NAV3: variants seen among roughly 807,000 people sequenced by gnomAD.
NAV3 encodes pore membrane and/or filament interacting like protein 1.
NAV3 carries 87 observed loss-of-function variants against 244.7 expected under a neutral mutation model. The ratio of observed to expected loss-of-function variants is 0.36; its 90% CI spans 0.30 to 0.42. NAV3 has a LOEUF of 0.42. Among genes scored for constraint, NAV3 ranks in the 20% least tolerant of loss-of-function variants. The probability of loss-of-function intolerance (pLI) is 1.00; values close to 1 mark genes in which losing one functional copy is unlikely to be tolerated. For missense variants in NAV3, 2,663 were observed against 2,893.3 expected (o/e 0.92, Z 1.83); for synonymous variants, 1,126 against 1,042.2 (o/e 1.08, Z -1.55).
At chr12:77,840,745 G>A (rs1402312) in intron 1 of NAV3, among the ~76,000 whole-genome samples, 8,677 of 152,210 alleles carry the variant, frequency 0.057, 484 homozygotes, top group African/African-American at 0.15. Context: ...TCAAACAGCC[G>A]TAGCAACTGA....
intron 7 of NAV3, among the ~76,000 whole-genome samples, 155 bp downstream of exon 7, chr12:77,998,631 G>A (rs1283409386): frequency 6.6e-6 from 1 of 152,100 alleles, no homozygotes; most frequent in Non-Finnish European, 1.5e-5. Flanking sequence ...CTGACTGCCA[G>A]CTTTCTTATC....
At chr12:77,933,736 G>T (rs1889053409) in intron 1 of NAV3, among the ~76,000 whole-genome samples, 1 of 152,158 alleles carries the variant, frequency 6.6e-6, no homozygotes. Flanking sequence ...TTTCTAGAAG[G>T]CCTACAAGAG....
chr12:78,177,822 T>C (rs1422216048), intron 28 of NAV3, 137 bp downstream of exon 28: 3 of 810,868 alleles, frequency 3.7e-6, no homozygotes, highest in Non-Finnish European at 5.6e-6. Flanking sequence ...TCAACTAAAA[T>C]TTGGTTTCCT....
chr12:78,146,241 G>A (rs1956858647), intron 20 of NAV3, 128 bp from the exon 21 acceptor site: 1 of 315,702 alleles, frequency 3.2e-6, no homozygotes, highest in East Asian at 5.2e-5. Context: ...ATAACTTAAT[G>A]TATTTCATTC....
intron 12 of NAV3, among the ~76,000 whole-genome samples, chr12:78,097,562 G>A (rs1015218689): frequency 6.6e-6 from 1 of 152,124 alleles, no homozygotes; most frequent in African/African-American, 2.4e-5. Context: ...TGTTCTGAAT[G>A]TTTTAAAATG....
chr12:77,730,545 G>T (rs754172042), intron 2 of NAV3, among the ~76,000 whole-genome samples: 1 of 151,800 alleles, frequency 6.6e-6, no homozygotes, highest in East Asian at 1.9e-4. Flanking sequence ...TCCAATAAAT[G>T]TTTATTGAGC....
At chr12:78,046,421 G>A (rs1881804406) in intron 9 of NAV3, among the ~76,000 whole-genome samples, 1 of 152,182 alleles carries the variant, frequency 6.6e-6, no homozygotes. Context: ...AGACATTCTG[G>A]TATGTAGTTT....
chr12:77,891,111 C>T (rs1883883208), intron 1 of NAV3, among the ~76,000 whole-genome samples: 1 of 151,478 alleles, frequency 6.6e-6, no homozygotes, highest in Admixed American at 6.6e-5. Context: ...GTATTCCTGT[C>T]TTAAATGTTG....
At chr12:78,187,713 T>C (rs1043005510) in intron 31 of NAV3, among the ~76,000 whole-genome samples, 2 of 151,924 alleles carry the variant, frequency 1.3e-5, no homozygotes, top group African/African-American at 4.8e-5. Context: ...GCAAATACCT[T>C]ATATTATCAT....
intron 23 of NAV3, among the ~76,000 whole-genome samples, chr12:78,163,105 G>C (rs896358345): frequency 2.2e-4 from 34 of 151,234 alleles, no homozygotes; most frequent in African/African-American, 8.3e-4. Context: ...ACATGTTCTT[G>C]ATTACATACT....
intron 2 of NAV3, among the ~76,000 whole-genome samples, chr12:77,636,459 C>T (rs544271990): frequency 6.0e-5 from 8 of 132,650 alleles, no homozygotes; most frequent in Admixed American, 3.8e-4. Flanking sequence ...TGCCAGACAC[C>T]GTCTCAAAAA....
chr12:77,594,984 A>C (rs551141430), intron 2 of NAV3, among the ~76,000 whole-genome samples: 2 of 152,134 alleles, frequency 1.3e-5, no homozygotes, highest in African/African-American at 2.4e-5. Flanking sequence ...GCCATTATGG[A>C]AAAAAAGTAT....
chr12:77,984,204 G>A (rs60499350), intron 5 of NAV3, among the ~76,000 whole-genome samples: 5,661 of 152,208 alleles, frequency 0.037, 355 homozygotes, highest in African/African-American at 0.13. Flanking sequence ...AGGAGAATAA[G>A]ACCTAATTGT....
chr12:77,598,402 G>C (rs1295837088), intron 2 of NAV3, among the ~76,000 whole-genome samples: 3 of 151,972 alleles, frequency 2.0e-5, no homozygotes, highest in Non-Finnish European at 4.4e-5. Context: ...TAACTCAACA[G>C]TTGCTAAATC....
intron 2 of NAV3, among the ~76,000 whole-genome samples, chr12:77,804,004 G>A (rs1212155951): frequency 6.7e-6 from 1 of 149,814 alleles, no homozygotes; most frequent in Non-Finnish European, 1.5e-5. Context: ...ATTTGTTTAA[G>A]TTCCTTGTAG....
intron 9 of NAV3, among the ~76,000 whole-genome samples, chr12:78,032,943 T>C (rs1038357670): frequency 6.6e-6 from 1 of 152,166 alleles, no homozygotes; most frequent in African/African-American, 2.4e-5. Flanking sequence ...TCCACCAACA[T>C]GTAACACATT....
intron 2 of NAV3, among the ~76,000 whole-genome samples, chr12:77,676,420 A>G (rs1160438128): frequency 1.3e-5 from 2 of 152,186 alleles, no homozygotes; most frequent in Admixed American, 1.3e-4. Context: ...CACTGCTGGC[A>G]CAGCTGACAA....
At chr12:78,064,263 C>A (rs1054977234) in intron 12 of NAV3, among the ~76,000 whole-genome samples, 3 of 152,064 alleles carry the variant, frequency 2.0e-5, no homozygotes. Context: ...GTTCTGGAGG[C>A]TAGAAGTTTA....
chr12:78,154,316 T>TATATTACTATATAATATATAATAC (rs1565731427), intron 22 of NAV3, among the ~76,000 whole-genome samples: 1 of 90,358 alleles, frequency 1.1e-5, no homozygotes, highest in Non-Finnish European at 2.4e-5. Context: ...ATATATAGTA[T>TATATTACTATATAATATATAATAC]ATATATAGTA....
Sources: gnomAD v4.1 joint callset for allele counts (sites outside exome capture counted in the v4.1 genomes callset) on GRCh38, gnomAD v4.1.1 for gene constraint, MANE v1.5 for transcripts, NCBI Gene and HGNC (gene_info 2026-07-23, HGNC 2026-07-21) for gene names.